The following DYNC1I1 variants were observed in gnomAD, a reference collection of about 807,000 sequenced individuals.
DYNC1I1 encodes the protein cytoplasmic dynein 1 intermediate chain 1.
DYNC1I1 carries 43 observed loss-of-function variants against 86.6 expected under a neutral mutation model. The ratio of observed to expected loss-of-function variants is 0.50; its 90% CI spans 0.39 to 0.64. DYNC1I1 has a LOEUF of 0.64. DYNC1I1 is among the 30% of genes least tolerant of loss of function. DYNC1I1 has a pLI of 0.00. For missense variants in DYNC1I1, 604 were observed against 788.8 expected (o/e 0.77, Z 2.81); for synonymous variants, 262 against 283.7 (o/e 0.92, Z 0.77).
intron 6 of DYNC1I1, among the ~76,000 whole-genome samples, chr7:95,923,333 G>C (rs1457548956): frequency 6.6e-6 from 1 of 152,080 alleles, no homozygotes; most frequent in Non-Finnish European, 1.5e-5. Context: ...AGTTAATAAA[G>C]CAATCTGAAA....
intron 10 of DYNC1I1, among the ~76,000 whole-genome samples, chr7:96,026,521 T>C (rs1240010971): frequency 6.6e-6 from 1 of 152,136 alleles, no homozygotes; most frequent in Non-Finnish European, 1.5e-5. Flanking sequence ...TTTCTCACCA[T>C]TGTCCACAGA....
At chr7:95,975,436 A>C (rs1392245159) in intron 6 of DYNC1I1, among the ~76,000 whole-genome samples, 1 of 152,078 alleles carries the variant, frequency 6.6e-6, no homozygotes, top group African/African-American at 2.4e-5. Context: ...TGGCTTGTAA[A>C]AGCATCAGGC....
rs189539254 is a variant in DYNC1I1, at chr7:96,107,778, G to A, written c.1543-2201G>A. The stretch of plus-strand genomic sequence containing the variant: ...CCTGACCTCGTGATCCACCTGCCTC[G>A]GCCTCCCAAAGTGCTGGGATTACAG... On this transcript the variant is annotated intron_variant, in intron 16 of 16. Transcript: ENST00000537881. Among the ~76,000 whole-genome samples, 696 of 150,862 alleles carry A rather than the reference G, an allele frequency of 4.6e-3. 4 individuals carry two copies. The highest frequency in any genetic ancestry group is 0.01 in the Middle Eastern group (3 of 292).
At chr7:95,998,601 C>T (rs886556301) in intron 10 of DYNC1I1, among the ~76,000 whole-genome samples, 3 of 152,166 alleles carry the variant, frequency 2.0e-5, no homozygotes, top group Admixed American at 6.5e-5. Flanking sequence ...AATGTGCTTC[C>T]GCATTCTCCT....
chr7:96,064,208 A>ATC (rs1341363966), intron 14 of DYNC1I1, among the ~76,000 whole-genome samples: 4 of 122,892 alleles, frequency 3.3e-5, no homozygotes, highest in African/African-American at 1.1e-4. Context: ...AGAAATATTC[A>ATC]TATCTCTCTC....
chr7:95,826,809 G>A (rs1173468514), intron 4 of DYNC1I1, among the ~76,000 whole-genome samples: 1 of 152,140 alleles, frequency 6.6e-6, no homozygotes, highest in Non-Finnish European at 1.5e-5. Flanking sequence ...AAAGTCATGA[G>A]CCATGCAGAT....
intron 6 of DYNC1I1, among the ~76,000 whole-genome samples, chr7:95,913,016 G>A (rs1791378595): frequency 6.6e-6 from 1 of 152,094 alleles, no homozygotes; most frequent in South Asian, 2.1e-4. Flanking sequence ...AAATCCCTTT[G>A]ATTAATGCTC....
chr7:96,020,613 C>A (rs974637881), intron 10 of DYNC1I1, among the ~76,000 whole-genome samples: 8 of 152,010 alleles, frequency 5.3e-5, no homozygotes, highest in African/African-American at 1.9e-4. Flanking sequence ...GTCAAAAAAT[C>A]AAAAATAGAA....
At chr7:96,039,445 C>A (rs759197868) in intron 14 of DYNC1I1, 24 bp downstream of exon 14, 6 of 1,613,288 alleles carry the variant, frequency 3.7e-6, no homozygotes, top group Non-Finnish European at 5.1e-6. Flanking sequence ...GACTGAAATT[C>A]TCAGATAATA....
chr7:95,878,725 T>C (rs1431721683), intron 6 of DYNC1I1, among the ~76,000 whole-genome samples: 1 of 152,016 alleles, frequency 6.6e-6, no homozygotes, highest in Non-Finnish European at 1.5e-5. Flanking sequence ...ACTATAAACC[T>C]AAGAGGCTCT....
At chr7:95,908,722 C>T (rs1257013468) in intron 6 of DYNC1I1, among the ~76,000 whole-genome samples, 1 of 152,030 alleles carries the variant, frequency 6.6e-6, no homozygotes, top group Admixed American at 6.6e-5. Context: ...TGATTTTCCC[C>T]AGCGGTTGGT....
chr7:95,928,607 C>T (rs1791807333), intron 6 of DYNC1I1, among the ~76,000 whole-genome samples: 1 of 152,152 alleles, frequency 6.6e-6, no homozygotes, highest in Non-Finnish European at 1.5e-5. Context: ...ATGTTCACCA[C>T]GTGCAGTGTT....
intron 10 of DYNC1I1, among the ~76,000 whole-genome samples, chr7:96,020,223 T>C (rs755601159): frequency 1.3e-5 from 2 of 152,128 alleles, no homozygotes; most frequent in Non-Finnish European, 2.9e-5. Flanking sequence ...TTTCACACTG[T>C]TGATAAAAAC....
chr7:95,780,621 C>T (rs1051127373), intron 1 of DYNC1I1, among the ~76,000 whole-genome samples: 1 of 152,088 alleles, frequency 6.6e-6, no homozygotes, highest in African/African-American at 2.4e-5. Context: ...TTACTCTGAC[C>T]TGAAATAGTA....
chr7:96,079,386 T>C (rs1193450795), intron 15 of DYNC1I1, among the ~76,000 whole-genome samples: 1 of 152,196 alleles, frequency 6.6e-6, no homozygotes, highest in East Asian at 1.9e-4. Flanking sequence ...TGGCATGTTG[T>C]CATTTCCTAT....
At chr7:95,828,010 C>T (rs1795240427) in intron 4 of DYNC1I1, 47 bp from the exon 5 acceptor site, 1 of 1,608,222 alleles carries the variant, frequency 6.2e-7, no homozygotes, top group Admixed American at 1.7e-5. Flanking sequence ...TTGCCCTCCC[C>T]TTTTGTTAAT....
intron 16 of DYNC1I1, among the ~76,000 whole-genome samples, chr7:96,083,279 G>A (rs1412175687): frequency 2.0e-5 from 3 of 151,912 alleles, no homozygotes; most frequent in African/African-American, 7.3e-5. Context: ...CCTTAACTGT[G>A]GTTTTATAAG....
chr7:96,093,045 C>T (rs77004017), intron 16 of DYNC1I1, among the ~76,000 whole-genome samples: 2,643 of 152,208 alleles, frequency 0.017, 63 homozygotes, highest in African/African-American at 0.06. Context: ...CTACGCCCTG[C>T]TTCTTAACAT....
chr7:95,868,644 T>C (rs1790078330), intron 5 of DYNC1I1, among the ~76,000 whole-genome samples: 1 of 152,122 alleles, frequency 6.6e-6, no homozygotes, highest in Non-Finnish European at 1.5e-5. Flanking sequence ...AATAACATAA[T>C]AACTATATAC....
Sources: gnomAD v4.1 joint callset for allele counts (sites outside exome capture counted in the v4.1 genomes callset) on GRCh38, gnomAD v4.1.1 for gene constraint, MANE v1.5 for transcripts, NCBI Gene and HGNC (gene_info 2026-07-23, HGNC 2026-07-21) for gene names.